The following ACOX3 variants were observed in gnomAD, a reference collection of about 807,000 sequenced individuals.
ACOX3 encodes peroxisomal acyl-coenzyme A oxidase 3.
In ACOX3, 73 loss-of-function variants were observed where a neutral mutation model predicts 81.5. That is an observed-to-expected ratio of 0.90 (90% CI 0.74 to 1.09). ACOX3 has a LOEUF of 1.09. Among genes scored for constraint, ACOX3 ranks in the 50% least tolerant of loss-of-function variants. The probability of loss-of-function intolerance (pLI) is 0.00; values close to 1 mark genes in which losing one functional copy is unlikely to be tolerated. For missense variants in ACOX3, 947 were observed against 928.0 expected, an observed-to-expected ratio of 1.02 and a Z score of -0.27; for synonymous variants, 387 against 375.1, an observed-to-expected ratio of 1.03 and a Z score of -0.37.
chr4:8,378,289 C>T (rs1381206613), intron 14 of ACOX3, among the ~76,000 whole-genome samples: 1 of 152,232 alleles, frequency 6.6e-6, no homozygotes, highest in African/African-American at 2.4e-5. Context: ...GGCCCCGGCA[C>T]GGGCGAGCTG....
Position 8,389,382 on chromosome 4 carries a change from G to C in ACOX3, c.1424-96C>G. 7.3e-7 allele frequency: 1 copy of C among 1,365,928 alleles called. No individual in the cohort carries two copies. The highest frequency in any genetic ancestry group is 1.0e-6 in the Non-Finnish European group (1 of 991,052). 84.6% of individuals were successfully genotyped at this position (1,365,928 alleles called of 1,614,324 possible). A position where few individuals can be genotyped will look rare whatever the true frequency, so the allele number is the denominator to read the frequency against. ...CACCCCAAAGCACAGAGAGTGTCCA[G>C]AGGACCCGACGGCCACAGACCCACA... is the stretch of plus-strand genomic sequence containing the variant. On this transcript the variant is annotated intron_variant, in intron 12 of 17. Transcript: ENST00000356406. The surrounding 1 kb of genome is among the most constrained non-coding windows in gnomAD (Gnocchi z 5.3).
At position 8,405,325 on chromosome 4, in the gene ACOX3, C is replaced by G. The variant is rs537840343; in HGVS notation, c.776+630G>C. ...TCACTGGCCACTTCTCCCCGGCCAC[C>G]CAGGCCTCCATGTGGCCATCAAGCA... On this transcript the variant is annotated intron_variant, in intron 7 of 17. Coordinates refer to ENST00000356406, the MANE Select transcript of ACOX3 (RefSeq NM_003501.3). The surrounding 1 kb of genome is among the most constrained non-coding windows in gnomAD (Gnocchi z 7.1). 6.6e-6 allele frequency among the ~76,000 whole-genome samples: 1 copy of G among 152,230 alleles called. No individual in the cohort carries two copies. Among genetic ancestry groups the G allele is most frequent in the African/African-American group, 2.4e-5 (1 of 41,466 alleles).
In ACOX3 at chr4:8,368,015, C is replaced by G. The variant is rs1456662683; in HGVS notation, c.1984-935G>C. ...TCAAAAAAAAAAAAAAAGAACTGAT[C>G]GTGGCAGTGGACACGCTGTTTCTTA... On this transcript the variant is annotated intron_variant, in intron 17 of 17. Transcript: ENST00000356406. The surrounding 1 kb of genome is among the most constrained non-coding windows in gnomAD (Gnocchi z 5.9). 6.6e-6 allele frequency among the ~76,000 whole-genome samples: 1 copy of G among 151,432 alleles called. No individual in the cohort carries two copies. The highest frequency in any genetic ancestry group is 2.4e-5 in the African/African-American group (1 of 41,256).
At chr4:8,356,173 A>G in the ACOX3 span, 1 of 259,860 alleles carries the variant, frequency 3.8e-6, no homozygotes, top group South Asian at 5.0e-5. Flanking sequence ...CAACAACAGC[A>G]GGATGAGGAA....
chr4:8,373,321 T>C (rs1267470155), intron 16 of ACOX3, among the ~76,000 whole-genome samples: 2 of 151,630 alleles, frequency 1.3e-5, no homozygotes, highest in African/African-American at 4.9e-5. Flanking sequence ...AAAGGCGGTG[T>C]GTGTCGGCTC....
intron 14 of ACOX3, among the ~76,000 whole-genome samples, chr4:8,377,345 C>T (rs951742211): frequency 6.6e-6 from 1 of 152,230 alleles, no homozygotes; most frequent in Non-Finnish European, 1.5e-5. Flanking sequence ...CTTGATACAG[C>T]GATGGCACAG....
chr4:8,437,127 GTAAATATATATA>G lies in ACOX3; in HGVS notation c.-15+3509_-15+3520del, dbSNP rs1724298399. Among the ~76,000 whole-genome samples the G allele has an allele frequency of 7.4e-6, 1 of 135,842 alleles. No homozygotes were observed. The highest frequency in any genetic ancestry group is 2.8e-5 in the African/African-American group (1 of 36,342). The allele number at this position is 135,842 out of a possible 152,430, so 89.1% of individuals were successfully genotyped here. On this transcript the variant is annotated intron_variant, in intron 1 of 17. Coordinates refer to ENST00000356406, the MANE Select transcript of ACOX3 (RefSeq NM_003501.3). This position sits in a 1 kb window ranked among gnomAD's most constrained non-coding sequence, Gnocchi z 5.2. ...TACATATATATGTAAAAAAATATAT[GTAAATATATATA>G]TAAATATATATATAGTGAATACTTC...
At position 8,405,793 on chromosome 4, in the gene ACOX3, G is replaced by A. The variant is rs559634814; in HGVS notation, c.776+162C>T. ...TCCCAAAGTGGAGTTCAAGCAGGACGTGGCCAGTGCATGCACGGGGGCTAG... is the reference window on the plus strand; with the variant it reads ...TCCCAAAGTGGAGTTCAAGCAGGACATGGCCAGTGCATGCACGGGGGCTAG... On this transcript the variant is annotated intron_variant, in intron 7 of 17. Transcript: ENST00000356406. The surrounding 1 kb of genome is among the most constrained non-coding windows in gnomAD (Gnocchi z 7.1). Among the ~76,000 whole-genome samples, 4 of 152,326 alleles carry A rather than the reference G, an allele frequency of 2.6e-5. No individual in the cohort carries two copies. The highest frequency in any genetic ancestry group is 1.9e-4 in the East Asian group (1 of 5,172).
intron 1 of ACOX3, among the ~76,000 whole-genome samples, chr4:8,417,499 A>G (rs778692115): frequency 1.3e-5 from 2 of 152,162 alleles, no homozygotes; most frequent in Non-Finnish European, 2.9e-5. Context: ...CCCCCCATGA[A>G]AGATGGAGAA....
rs1428796225 is a variant in ACOX3, at chr4:8,423,705, G to C, written c.-14-7170C>G. 6.6e-6 allele frequency among the ~76,000 whole-genome samples: 1 copy of C among 152,188 alleles called. No homozygotes were observed. The highest frequency in any genetic ancestry group is 2.4e-5 in the African/African-American group (1 of 41,452). ...TTTCCCAAATACCAGAGGAAGCAGA[G>C]TGGTTTACAGTCCTGGACCTTAAGG... On this transcript the variant is annotated intron_variant, in intron 1 of 17. Transcript: ENST00000356406. The surrounding 1 kb of genome is among the most constrained non-coding windows in gnomAD (Gnocchi z 4.2).
chr4:8,396,822 T>A (rs1719748486), intron 9 of ACOX3, 115 bp downstream of exon 9: 1 of 1,243,438 alleles, frequency 8.0e-7, no homozygotes, highest in Non-Finnish European at 1.1e-6. Context: ...AATCATCCTG[T>A]TAATTGCCTT....
At chr4:8,392,120 G>T (rs1001657116) in intron 11 of ACOX3, among the ~76,000 whole-genome samples, 3 of 152,240 alleles carry the variant, frequency 2.0e-5, no homozygotes, top group African/African-American at 7.2e-5. Flanking sequence ...TGTCACAGCT[G>T]CGATTACTCA....
chr4:8,433,487 G>A (rs745860140), intron 1 of ACOX3, among the ~76,000 whole-genome samples: 7 of 152,206 alleles, frequency 4.6e-5, no homozygotes, highest in South Asian at 2.1e-4. Flanking sequence ...GAATAAATGC[G>A]TGTTGTTTTA....
At chr4:8,369,400 C>T (rs1436136189) in intron 17 of ACOX3, among the ~76,000 whole-genome samples, 1 of 152,226 alleles carries the variant, frequency 6.6e-6, no homozygotes, top group Non-Finnish European at 1.5e-5. Flanking sequence ...CTCTTCAAAT[C>T]CTGGCTCTGC....
rs369909452 is a variant in ACOX3 at position 8,397,076 on chromosome 4, G to A, written c.917C>T (p.Ser306Leu). Residue 306 changes from serine to leucine, a missense_variant, in exon 9 of 18, where the codon TCG becomes TTG. By Grantham distance (145) the Ser-to-Leu change is moderately radical. Transcript: ENST00000356406. Reference protein sequence around the residue: ...RFGASLGSLSSGRVSIVSLAI... With the variant: ...RFGASLGSLSLGRVSIVSLAI... ...CAGGCTCACGATGGAGACCCGGCCC[G>A]AGGACAGGCTCCCCAGGGACGCTCC... 38 of 1,596,418 alleles carry A rather than the reference G, an allele frequency of 2.4e-5. No individual in the cohort carries two copies. Among genetic ancestry groups the A allele is most frequent in the Non-Finnish European group, 2.8e-5 (33 of 1,172,778 alleles).
intron 1 of ACOX3, among the ~76,000 whole-genome samples, chr4:8,438,155 G>A (rs1724362125): frequency 6.6e-6 from 1 of 152,202 alleles, no homozygotes; most frequent in African/African-American, 2.4e-5. Context: ...GTAAGTTAAA[G>A]TTTTCCCCAC....
chr4:8,388,167 T>G (rs1386421988), intron 13 of ACOX3, among the ~76,000 whole-genome samples: 1 of 152,168 alleles, frequency 6.6e-6, no homozygotes, highest in Non-Finnish European at 1.5e-5. Context: ...TGCCCCCGCC[T>G]TTCACTGACC....
At chr4:8,387,388 A>G (rs912980713) in intron 13 of ACOX3, among the ~76,000 whole-genome samples, 1 of 152,066 alleles carries the variant, frequency 6.6e-6, no homozygotes, top group Non-Finnish European at 1.5e-5. Context: ...TCACTCAGGA[A>G]GGTGGGCTAC....
Position 8,385,727 on chromosome 4 carries a change from G to A in ACOX3, c.1537+3446C>T, listed in dbSNP as rs80061499. Reference sequence around the variant, plus strand: ...CTTCCTCACAGGCAAGCGCAACCCCGGAAGGGGCCTGTGTCTCTCCAGTCC... The same window carrying A: ...CTTCCTCACAGGCAAGCGCAACCCCAGAAGGGGCCTGTGTCTCTCCAGTCC... On this transcript the variant is annotated intron_variant, in intron 13 of 17. Transcript: ENST00000356406. This position sits in a 1 kb window ranked among gnomAD's most constrained non-coding sequence, Gnocchi z 5.5. 2.6e-5 allele frequency among the ~76,000 whole-genome samples: 4 copies of A among 152,352 alleles called. No homozygotes were observed. The highest frequency in any genetic ancestry group is 6.5e-5 in the Admixed American group (1 of 15,306).
Sources: allele counts gnomAD v4.1 joint callset (sites outside exome capture counted in the v4.1 genomes callset), GRCh38; gene constraint gnomAD v4.1.1; non-coding constraint Gnocchi (gnomAD v3.1); transcripts MANE v1.5; gene names NCBI Gene and HGNC (gene_info 2026-07-23, HGNC 2026-07-21).